The following RIMS1 variants were observed in gnomAD, a reference collection of about 807,000 sequenced individuals.
RIMS1 encodes regulating synaptic membrane exocytosis 1.
RIMS1 carries 83 observed loss-of-function variants against 214.1 expected under a neutral mutation model. The ratio of observed to expected loss-of-function variants is 0.39; its 90% CI spans 0.32 to 0.47. The LOEUF (loss-of-function observed/expected upper bound fraction) is 0.47, where lower values mean the gene tolerates loss of function less well. RIMS1 is among the 20% of genes least tolerant of loss of function. The probability of loss-of-function intolerance (pLI) is 0.99; values close to 1 mark genes in which losing one functional copy is unlikely to be tolerated. For synonymous variants in RIMS1, 793 were observed against 786.8 expected, an observed-to-expected ratio of 1.01 and a Z score of -0.13; for missense variants, 2,050 against 2,161.8, an observed-to-expected ratio of 0.95 and a Z score of 1.03.
chr6:71,937,542 C>A (rs1259325827), intron 1 of RIMS1, among the ~76,000 whole-genome samples: 1 of 152,164 alleles, frequency 6.6e-6, no homozygotes, highest in Non-Finnish European at 1.5e-5. Flanking sequence ...GATGAACCAC[C>A]ACACCTGGCC....
chr6:72,249,912 T>A (rs1047781038), intron 12 of RIMS1, among the ~76,000 whole-genome samples: 30 of 152,334 alleles, frequency 2.0e-4, no homozygotes, highest in Middle Eastern at 3.4e-3. Flanking sequence ...TTGTTTTTTT[T>A]AATTTTAACT....
chr6:71,992,333 G>T (rs1801826601), intron 2 of RIMS1, among the ~76,000 whole-genome samples: 1 of 152,092 alleles, frequency 6.6e-6, no homozygotes, highest in Admixed American at 6.6e-5. Flanking sequence ...GACAGCCAAG[G>T]CCTATCTGGA....
At chr6:72,282,950 G>A (rs1023955017) in intron 23 of RIMS1, among the ~76,000 whole-genome samples, 2 of 151,984 alleles carry the variant, frequency 1.3e-5, no homozygotes, top group Admixed American at 6.6e-5. Flanking sequence ...TGGCGAAAGC[G>A]GAAGAGATTG....
chr6:72,000,452 C>T (rs745613390), intron 2 of RIMS1, among the ~76,000 whole-genome samples: 12 of 152,026 alleles, frequency 7.9e-5, no homozygotes, highest in Admixed American at 1.3e-4. Flanking sequence ...ATGATTGCTA[C>T]TACATTCTTT....
intron 4 of RIMS1, among the ~76,000 whole-genome samples, chr6:72,135,612 A>T (rs181428373): frequency 3.3e-4 from 50 of 152,280 alleles, no homozygotes; most frequent in Middle Eastern, 3.4e-3. Context: ...GCCTGAGGTG[A>T]CTTGATATCC....
At chr6:71,999,012 T>A (rs1211758047) in intron 2 of RIMS1, among the ~76,000 whole-genome samples, 1 of 152,146 alleles carries the variant, frequency 6.6e-6, no homozygotes, top group East Asian at 1.9e-4. Context: ...TCTATGTAGG[T>A]CTTTTGCAAT....
intron 4 of RIMS1, among the ~76,000 whole-genome samples, chr6:72,112,506 T>A (rs2036303836): frequency 1.3e-5 from 2 of 152,034 alleles, no homozygotes; most frequent in South Asian, 4.1e-4. Context: ...CATACACACA[T>A]CCTCTCCTGT....
chr6:72,089,811 C>T lies in RIMS1; in HGVS notation c.246-7138C>T, dbSNP rs554955972. Among the ~76,000 whole-genome samples, 84 of 144,458 alleles carry T rather than the reference C, an allele frequency of 5.8e-4. 3 individuals carry two copies. Among genetic ancestry groups the T allele is most frequent in the African/African-American group, 2.0e-3 (83 of 40,918 alleles). The allele number at this position is 144,458 out of a possible 152,430, so 94.8% of individuals were successfully genotyped here. ...TAGACTGGATTAAGAAAATGTGGCA[C>T]ATATACACCATGGAATACTATGCAG... On this transcript the variant is annotated intron_variant, in intron 2 of 33. Transcript: ENST00000521978.
In RIMS1 at chr6:72,095,773, A is replaced by G. The variant is rs1238503958; in HGVS notation, c.246-1176A>G. The stretch of plus-strand genomic sequence containing the variant: ...CAGGGAGTATCAGTTCCTCACAGTT[A>G]TCTTAGATTGAGAACATCAAACTAA... On this transcript the variant is annotated intron_variant, in intron 2 of 33. Transcript: ENST00000521978. 2.0e-5 allele frequency among the ~76,000 whole-genome samples: 3 copies of G among 152,230 alleles called. No individual in the cohort carries two copies. In the East Asian group the frequency reaches 5.8e-4, roughly 29 times the overall value.
At chr6:72,396,622 T>C (rs2098781286) in intron 31 of RIMS1, among the ~76,000 whole-genome samples, 1 of 152,032 alleles carries the variant, frequency 6.6e-6, no homozygotes, top group South Asian at 2.1e-4. Flanking sequence ...ATAGAGAAAT[T>C]AAAGGGAATG....
intron 29 of RIMS1, among the ~76,000 whole-genome samples, chr6:72,351,627 G>A (rs966039831): frequency 4.6e-5 from 7 of 152,070 alleles, no homozygotes; most frequent in African/African-American, 1.7e-4. Flanking sequence ...GCTAGTAAGT[G>A]GCAAAGAAAT....
chr6:72,291,568 T>A (rs1232122564), intron 25 of RIMS1, among the ~76,000 whole-genome samples: 1 of 152,212 alleles, frequency 6.6e-6, no homozygotes, highest in Non-Finnish European at 1.5e-5. Flanking sequence ...CTTTCTTGCC[T>A]CATTTATCCA....
intron 2 of RIMS1, among the ~76,000 whole-genome samples, chr6:71,974,661 A>G (rs1399533945): frequency 6.6e-6 from 1 of 152,160 alleles, no homozygotes; most frequent in Non-Finnish European, 1.5e-5. Flanking sequence ...ATAAGAAAAC[A>G]AAGGAGGCAA....
intron 4 of RIMS1, among the ~76,000 whole-genome samples, chr6:72,162,498 T>C (rs942102756): frequency 4.3e-5 from 6 of 140,894 alleles, no homozygotes; most frequent in African/African-American, 1.5e-4. Context: ...GTCTTTACAA[T>C]TTGGTATGTT....
chr6:72,140,176 C>T (rs1405349302), intron 4 of RIMS1, among the ~76,000 whole-genome samples: 1 of 152,060 alleles, frequency 6.6e-6, no homozygotes, highest in African/African-American at 2.4e-5. Context: ...TTTATTGTGA[C>T]CTTTTTTATT....
Position 72,217,190 on chromosome 6 carries a change from T to C in RIMS1, c.1679-16583T>C, listed in dbSNP as rs1209021703. The stretch of plus-strand genomic sequence containing the variant: ...GTTAACCACTCCGATGCTGCTGTTA[T>C]GTTTGCTGGGTTTCTGCAGTTTCTA... On this transcript the variant is annotated intron_variant, in intron 6 of 33. Transcript: ENST00000521978. 1.1e-5 allele frequency: 17 copies of C among 1,536,806 alleles called. No homozygotes were observed. The East Asian group carries it at 2.4e-4, about 22-fold the overall frequency.
chr6:72,375,811 G>A (rs1389162917), intron 29 of RIMS1, among the ~76,000 whole-genome samples: 1 of 151,784 alleles, frequency 6.6e-6, no homozygotes, highest in African/African-American at 2.4e-5. Flanking sequence ...TTGCTGGCTT[G>A]CTCCTTGGGA....
At chr6:72,232,814 T>C (rs2062511925) in intron 6 of RIMS1, among the ~76,000 whole-genome samples, 1 of 151,818 alleles carries the variant, frequency 6.6e-6, no homozygotes, top group South Asian at 2.1e-4. Context: ...ATAGTGCCTG[T>C]ATCTGCAGTG....
At chr6:71,889,341 A>T (rs759532837) in intron 1 of RIMS1, among the ~76,000 whole-genome samples, 4 of 152,214 alleles carry the variant, frequency 2.6e-5, no homozygotes, top group Non-Finnish European at 4.4e-5. Context: ...ATGGGCAAAT[A>T]AAAATTAGGA....
Sources: allele counts gnomAD v4.1 joint callset (sites outside exome capture counted in the v4.1 genomes callset), GRCh38; gene constraint gnomAD v4.1.1; transcripts MANE v1.5; gene names NCBI Gene and HGNC (gene_info 2026-07-23, HGNC 2026-07-21).